Variants in SIL1 observed in about 807,000 individuals in gnomAD.
The protein encoded by SIL1 is nucleotide exchange factor SIL1.
In SIL1, 40 loss-of-function variants were observed where a neutral mutation model predicts 49.1. That is an observed-to-expected ratio of 0.81 (90% CI 0.63 to 1.06). The LOEUF (loss-of-function observed/expected upper bound fraction) is 1.06. SIL1 is among the 50% of genes least tolerant of loss of function. The pLI is 0.00. For missense variants in SIL1, 500 were observed against 572.6 expected (o/e 0.87, Z 1.29); for synonymous variants, 253 against 250.8 (o/e 1.01, Z -0.08).
rs377311238 is a variant in SIL1 at position 138,946,852 on chromosome 5, G to C, written c.*265C>G. On this transcript the variant is annotated 3_prime_UTR_variant, in exon 10 of 10. Transcript: ENST00000394817. ...AGAGACTTGCAACTCCTGGGCCCAG[G>C]TTCCTGCCCTGGAGCCTGTTCCTGG... 3.8e-5 allele frequency: 20 copies of C among 531,662 alleles called. No homozygotes were observed. The highest frequency in any genetic ancestry group is 8.4e-5 in the South Asian group (4 of 47,544). The allele number at this position is 531,662 out of a possible 1,614,324, so 32.9% of individuals were successfully genotyped here. A position where few individuals can be genotyped will look rare whatever the true frequency, so the allele number is the denominator to read the frequency against.
rs936033990 is a variant in SIL1, at chr5:138,947,895, C to G, written c.1030-422G>C. On this transcript the variant is annotated intron_variant, in intron 9 of 9. Transcript: ENST00000394817. This position sits in a 1 kb window ranked among gnomAD's most constrained non-coding sequence, Gnocchi z 4.1. ...CCCTGAGACTCATCGTCATCACCTC[C>G]TAAGTGGAGAAACTCAGCCTGTCTG... Among the ~76,000 whole-genome samples the G allele has an allele frequency of 6.6e-6, 1 of 152,122 alleles. No homozygotes were observed. The highest frequency in any genetic ancestry group is 6.5e-5 in the Admixed American group (1 of 15,274).
intron 7 of SIL1, among the ~76,000 whole-genome samples, chr5:138,981,652 G>C (rs1037847628): frequency 6.6e-6 from 1 of 152,224 alleles, no homozygotes; most frequent in South Asian, 2.1e-4. Context: ...GTGAAGCTCA[G>C]TATGATTCAT....
At chr5:139,120,581 C>G (rs1750605164) in intron 3 of SIL1, among the ~76,000 whole-genome samples, 1 of 152,112 alleles carries the variant, frequency 6.6e-6, no homozygotes, top group South Asian at 2.1e-4. Flanking sequence ...ATTTAAAAAC[C>G]AGGCCAGGAC....
intron 4 of SIL1, among the ~76,000 whole-genome samples, chr5:139,046,880 G>A (rs971719731): frequency 6.6e-6 from 1 of 152,138 alleles, no homozygotes; most frequent in Non-Finnish European, 1.5e-5. Flanking sequence ...ATACTTTCAT[G>A]TTTTAGAACA....
chr5:139,185,670 G>C (rs1299407634), intron 1 of SIL1, among the ~76,000 whole-genome samples: 1 of 152,182 alleles, frequency 6.6e-6, no homozygotes, highest in African/African-American at 2.4e-5. Context: ...GTTACCCAGG[G>C]CCTCTCACTA....
In SIL1 at chr5:138,947,454, G is replaced by GCCT; in HGVS notation, c.1046_1048dup (p.Glu349dup). 1 of 1,613,470 alleles carries GCCT rather than the reference G, an allele frequency of 6.2e-7. No homozygotes were observed. The highest frequency in any genetic ancestry group is 8.5e-7 in the Non-Finnish European group (1 of 1,180,018). On this transcript the variant is annotated inframe_insertion, in exon 10 of 10. Transcript: ENST00000394817. The surrounding 1 kb of genome is among the most constrained non-coding windows in gnomAD (Gnocchi z 4.1). The stretch of plus-strand genomic sequence containing the variant: ...TGGGGACATCTCCTGGGTCAGCTCA[G>GCCT]CCTCCTCCTCGGCGAACATCTGCCA...
chr5:139,143,342 C>CATATATATATATATATATAT (rs1254298733), intron 1 of SIL1, among the ~76,000 whole-genome samples: 9 of 90,614 alleles, frequency 9.9e-5, no homozygotes, highest in African/African-American at 5.0e-4. Context: ...CACACACACA[C>CATATATATATATATATATAT]ACATATATAT....
chr5:139,148,527 G>A (rs1268179063), intron 1 of SIL1, among the ~76,000 whole-genome samples: 2 of 152,186 alleles, frequency 1.3e-5, no homozygotes, highest in Admixed American at 6.5e-5. Flanking sequence ...TACCTGCCCA[G>A]GTAAACATAT....
At chr5:139,106,317 C>T (rs766663681) in intron 3 of SIL1, among the ~76,000 whole-genome samples, 16 of 152,216 alleles carry the variant, frequency 1.1e-4, no homozygotes, top group African/African-American at 3.4e-4. Context: ...TTTAAAGTCA[C>T]GTGTGACTAA....
At chr5:139,174,314 T>C (rs1751835479) in intron 1 of SIL1, among the ~76,000 whole-genome samples, 1 of 151,730 alleles carries the variant, frequency 6.6e-6, no homozygotes, top group African/African-American at 2.4e-5. Flanking sequence ...CTGGGCAATA[T>C]GTCAAGATCC....
chr5:138,978,484 AT>A (rs1457019334), intron 7 of SIL1, among the ~76,000 whole-genome samples: 2 of 152,344 alleles, frequency 1.3e-5, no homozygotes, highest in East Asian at 1.9e-4. Flanking sequence ...TGTTATGAAT[AT>A]TGAGGCTATG....
chr5:139,058,597 T>G (rs1006372905), intron 3 of SIL1, among the ~76,000 whole-genome samples: 2 of 152,236 alleles, frequency 1.3e-5, no homozygotes, highest in African/African-American at 4.8e-5. Flanking sequence ...GGATATTTTA[T>G]TCTATGGGTC....
intron 1 of SIL1, among the ~76,000 whole-genome samples, chr5:139,183,642 T>C (rs1385295891): frequency 6.6e-6 from 1 of 152,166 alleles, no homozygotes; most frequent in Non-Finnish European, 1.5e-5. Context: ...TCAGTTAAAA[T>C]GGGTTTTTTC....
chr5:139,183,907 A>T (rs1428906805), intron 1 of SIL1, among the ~76,000 whole-genome samples: 1 of 152,092 alleles, frequency 6.6e-6, no homozygotes, highest in Admixed American at 6.5e-5. Context: ...TCTATTCCAC[A>T]CTCACTTCTT....
intron 3 of SIL1, among the ~76,000 whole-genome samples, chr5:139,078,087 G>A (rs933677295): frequency 6.6e-6 from 1 of 152,046 alleles, no homozygotes; most frequent in Non-Finnish European, 1.5e-5. Context: ...TCACATCTCT[G>A]GGTACACAAA....
At chr5:139,001,442 C>A (rs191216019) in intron 7 of SIL1, among the ~76,000 whole-genome samples, 2 of 152,214 alleles carry the variant, frequency 1.3e-5, no homozygotes, top group African/African-American at 2.4e-5. Flanking sequence ...AGCAAAATAA[C>A]TGGCATCAAT....
At chr5:139,153,339 C>G (rs1751345918) in intron 1 of SIL1, among the ~76,000 whole-genome samples, 1 of 152,180 alleles carries the variant, frequency 6.6e-6, no homozygotes, top group Non-Finnish European at 1.5e-5. Flanking sequence ...GCCAGAGCAC[C>G]TGTACTTCTC....
chr5:139,171,016 G>A (rs1751751031), intron 1 of SIL1, among the ~76,000 whole-genome samples: 10 of 148,638 alleles, frequency 6.7e-5, no homozygotes, highest in Admixed American at 4.0e-4. Flanking sequence ...CTGCCCAGCC[G>A]CCCCTACTGG....
At position 139,193,748 on chromosome 5, in the gene SIL1, G is replaced by T. The variant is rs545122750; in HGVS notation, c.-11+4521C>A. Among the ~76,000 whole-genome samples the T allele has an allele frequency of 5.9e-5, 9 of 152,270 alleles. No individual in the cohort carries two copies. In the South Asian group the frequency reaches 1.9e-3, roughly 32 times the overall value. On this transcript the variant is annotated intron_variant, in intron 1 of 9. Transcript: ENST00000394817. ...TGGGTAGGGTAACTAACTTGTCCTGGTTTGCCCCGGACTTTCCTGCTTTTG... is the reference window on the plus strand; with the variant it reads ...TGGGTAGGGTAACTAACTTGTCCTGTTTTGCCCCGGACTTTCCTGCTTTTG...
Sources: gnomAD v4.1 joint callset for allele counts (sites outside exome capture counted in the v4.1 genomes callset) on GRCh38, gnomAD v4.1.1 for gene constraint, Gnocchi (gnomAD v3.1) non-coding constraint, MANE v1.5 for transcripts, NCBI Gene and HGNC (gene_info 2026-07-23, HGNC 2026-07-21) for gene names.